Variants in TEK observed in about 807,000 individuals in gnomAD.
The protein encoded by TEK is angiopoietin-1 receptor.
Under a neutral mutation model 131.8 loss-of-function variants are expected in TEK, and 43 were observed. That is an observed-to-expected ratio of 0.33 (90% CI 0.26 to 0.42). The LOEUF is 0.42. TEK is among the 10% of genes least tolerant of loss of function. TEK has a pLI of 1.00. For missense variants in TEK, 1,162 were observed against 1,384.4 expected, an observed-to-expected ratio of 0.84 and a Z score of 2.55; for synonymous variants, 580 against 491.6, an observed-to-expected ratio of 1.18 and a Z score of -2.38.
chr9:27,165,416 G>A (rs1564070604), intron 2 of TEK, among the ~76,000 whole-genome samples: 1 of 152,108 alleles, frequency 6.6e-6, no homozygotes, highest in Non-Finnish European at 1.5e-5. Flanking sequence ...ACTTGGCAAC[G>A]TGAGCAGAAG....
At chr9:27,146,000 T>C (rs912551817) in intron 1 of TEK, among the ~76,000 whole-genome samples, 2 of 152,226 alleles carry the variant, frequency 1.3e-5, no homozygotes, top group African/African-American at 2.4e-5. Context: ...GCCAGTTTTA[T>C]CAGCAACAGG....
At chr9:27,226,729 AAAAAT>A (rs1826345056) in intron 21 of TEK, among the ~76,000 whole-genome samples, 2 of 152,176 alleles carry the variant, frequency 1.3e-5, no homozygotes, top group South Asian at 4.1e-4. Flanking sequence ...ATAATAATAA[AAAAAT>A]AAAGATACAT....
rs552070074 is a variant in TEK, at chr9:27,230,142, G to A, written c.*910G>A. The A allele has an allele frequency of 6.6e-6, 1 of 152,284 alleles. No homozygotes were observed. The highest frequency in any genetic ancestry group is 2.4e-5 in the African/African-American group (1 of 41,572). 9.4% of individuals were successfully genotyped at this position (152,284 alleles called of 1,614,324 possible). ...GGCACACTTTGCACTGATATATCAT[G>A]AGTGAATAAATGTCTTGCCTACTCA... On this transcript the variant is annotated 3_prime_UTR_variant, in exon 23 of 23. Coordinates refer to ENST00000380036, the MANE Select transcript of TEK (RefSeq NM_000459.5).
At chr9:27,131,479 A>AC (rs1491215860) in intron 1 of TEK, among the ~76,000 whole-genome samples, 2 of 70,238 alleles carry the variant, frequency 2.8e-5, no homozygotes, top group Non-Finnish European at 5.7e-5. Context: ...ACCCTGTCTC[A>AC]AAAAAAAAAA....
chr9:27,132,684 TG>T (rs1225531215), intron 1 of TEK, among the ~76,000 whole-genome samples: 1 of 152,254 alleles, frequency 6.6e-6, no homozygotes, highest in African/African-American at 2.4e-5. Flanking sequence ...GGCATTTGTG[TG>T]CTTTAGCTTC....
chr9:27,111,371 CA>C (rs962685899), intron 1 of TEK, among the ~76,000 whole-genome samples: 1 of 152,148 alleles, frequency 6.6e-6, no homozygotes, highest in African/African-American at 2.4e-5. Context: ...TTGATAATTG[CA>C]ACAAGAATCC....
At chr9:27,164,860 C>T (rs938344380) in intron 2 of TEK, among the ~76,000 whole-genome samples, 2 of 152,128 alleles carry the variant, frequency 1.3e-5, no homozygotes, top group African/African-American at 4.8e-5. Flanking sequence ...GTGTAAAGTG[C>T]TTATAACAGC....
intron 20 of TEK, among the ~76,000 whole-genome samples, chr9:27,219,751 A>G (rs1402367103): frequency 8.7e-6 from 1 of 114,514 alleles, no homozygotes; most frequent in Admixed American, 8.0e-5. Context: ...TCTTATTGGT[A>G]TAATAAAGGT....
Position 27,112,046 on chromosome 9 carries a change from C to T in TEK, c.52+2404C>T, listed in dbSNP as rs369365879. The stretch of plus-strand genomic sequence containing the variant: ...TCGAGTAGCTGGGACTACAGGCGTG[C>T]GCCACCATGCCTGGCTAATTTGTTG... On this transcript the variant is annotated intron_variant, in intron 1 of 22. Transcript: ENST00000380036. 1.1e-4 allele frequency among the ~76,000 whole-genome samples: 16 copies of T among 152,114 alleles called. No homozygotes were observed. The South Asian group carries it at 2.3e-3, about 22-fold the overall frequency.
At chr9:27,140,063 T>C (rs927499502) in intron 1 of TEK, among the ~76,000 whole-genome samples, 4 of 152,202 alleles carry the variant, frequency 2.6e-5, no homozygotes. Context: ...TTCCTGGTGC[T>C]CAGATCAGTG....
chr9:27,196,733 A>G (rs1825026667), intron 11 of TEK, among the ~76,000 whole-genome samples: 1 of 149,496 alleles, frequency 6.7e-6, no homozygotes, highest in South Asian at 2.1e-4. Flanking sequence ...AAGCAGGAGC[A>G]GAAGAGTGAG....
chr9:27,141,919 G>C (rs1432686877), intron 1 of TEK, among the ~76,000 whole-genome samples: 1 of 152,030 alleles, frequency 6.6e-6, no homozygotes, highest in Non-Finnish European at 1.5e-5. Flanking sequence ...TTATTTTTTT[G>C]AATTGTGCAA....
At chr9:27,184,512 C>A (rs1000681108) in intron 8 of TEK, among the ~76,000 whole-genome samples, 5 of 152,098 alleles carry the variant, frequency 3.3e-5, no homozygotes, top group African/African-American at 1.2e-4. Flanking sequence ...TACTAGGGTC[C>A]ACGTTTCAAT....
intron 21 of TEK, among the ~76,000 whole-genome samples, chr9:27,222,682 A>C (rs994729035): frequency 5.3e-5 from 8 of 152,222 alleles, no homozygotes; most frequent in Non-Finnish European, 1.2e-4. Context: ...TGTCACCACC[A>C]GGCATACCTT....
intron 21 of TEK, among the ~76,000 whole-genome samples, chr9:27,222,222 C>T (rs780410966): frequency 5.3e-5 from 8 of 152,176 alleles, no homozygotes; most frequent in South Asian, 2.1e-4. Flanking sequence ...CCAAGAAATA[C>T]GAGACTACGT....
intron 1 of TEK, among the ~76,000 whole-genome samples, chr9:27,144,694 T>G (rs1822852017): frequency 6.6e-6 from 1 of 152,152 alleles, no homozygotes; most frequent in East Asian, 1.9e-4. Flanking sequence ...ACATATGGCC[T>G]GGAAGACAAT....
chr9:27,195,490 T>G (rs1824972023), intron 11 of TEK, among the ~76,000 whole-genome samples: 1 of 152,208 alleles, frequency 6.6e-6, no homozygotes, highest in Non-Finnish European at 1.5e-5. Flanking sequence ...ACAATTGTAG[T>G]AATCTGAAAT....
intron 12 of TEK, among the ~76,000 whole-genome samples, chr9:27,201,529 AAGTT>A (rs1198574107): frequency 6.6e-6 from 1 of 152,162 alleles, no homozygotes; most frequent in Non-Finnish European, 1.5e-5. Context: ...GATGTAAAGA[AAGTT>A]AAGACATACT....
At chr9:27,185,068 C>T (rs1723068631) in intron 8 of TEK, among the ~76,000 whole-genome samples, 1 of 151,848 alleles carries the variant, frequency 6.6e-6, no homozygotes, top group Non-Finnish European at 1.5e-5. Flanking sequence ...AGAGGTCCAT[C>T]TCTCTTCAGA....
Sources: allele counts gnomAD v4.1 joint callset (sites outside exome capture counted in the v4.1 genomes callset), GRCh38; gene constraint gnomAD v4.1.1; transcripts MANE v1.5; gene names NCBI Gene and HGNC (gene_info 2026-07-23, HGNC 2026-07-21).